NXPE4: variants seen among roughly 807,000 people sequenced by gnomAD.
NXPE4 encodes neurexophilin and PC-esterase domain family member 4.
A neutral mutation model predicts 33.3 loss-of-function variants in NXPE4; 42 were observed. That is an observed-to-expected ratio of 1.26 (90% CI 0.98 to 1.63). NXPE4 has a LOEUF of 1.63. Among genes scored for constraint, NXPE4 ranks in the 40% most tolerant of loss-of-function variants. The pLI, the probability that NXPE4 is intolerant of heterozygous loss-of-function variation, is 0.00. For synonymous variants in NXPE4, 253 were observed against 234.9 expected, an observed-to-expected ratio of 1.08 and a Z score of -0.71; for missense variants, 709 against 647.6, an observed-to-expected ratio of 1.09 and a Z score of -1.03.
upstream of NXPE4, among the ~76,000 whole-genome samples, chr11:114,596,076 C>T (rs142910408): frequency 6.6e-6 from 1 of 152,258 alleles, no homozygotes; most frequent in East Asian, 1.9e-4. Flanking sequence ...TAATCATCAA[C>T]AGAAAGTCAA....
the NXPE4 span, among the ~76,000 whole-genome samples, chr11:114,612,721 C>T: frequency 4.6e-5 from 7 of 151,886 alleles, no homozygotes; most frequent in Middle Eastern, 3.2e-3. Flanking sequence ...TGTGTTGCCT[C>T]GTGGGTAACC....
chr11:114,613,631 G>T, the NXPE4 span, among the ~76,000 whole-genome samples: 1 of 151,730 alleles, frequency 6.6e-6, no homozygotes, highest in Non-Finnish European at 1.5e-5. Context: ...GTTACACACT[G>T]GATAACAAGT....
At chr11:114,654,643 G>T in the NXPE4 span, among the ~76,000 whole-genome samples, 4 of 152,062 alleles carry the variant, frequency 2.6e-5, no homozygotes, top group Non-Finnish European at 5.9e-5. Flanking sequence ...CCCTGAAAAA[G>T]ACATCTCGTT....
intron 4 of NXPE4, among the ~76,000 whole-genome samples, chr11:114,580,690 G>T (rs1949122949): frequency 6.6e-6 from 1 of 152,086 alleles, no homozygotes. Flanking sequence ...TATCATTTTA[G>T]CTCACTTTAC....
At chr11:114,625,765 A>G in the NXPE4 span, among the ~76,000 whole-genome samples, 35 of 152,262 alleles carry the variant, frequency 2.3e-4, no homozygotes, top group African/African-American at 7.9e-4. Context: ...CTGAGGTACC[A>G]GGTTCATCTC....
chr11:114,663,678 T>TTATCTATCTATCTATCTATCTATC, the NXPE4 span, among the ~76,000 whole-genome samples: 18 of 146,058 alleles, frequency 1.2e-4, no homozygotes, highest in African/African-American at 2.3e-4. Flanking sequence ...ATCTATCTAT[T>TTATCTATCTATCTATCTATCTATC]TATCTATCTA....
intron 2 of NXPE4, among the ~76,000 whole-genome samples, chr11:114,594,084 T>C (rs973383431): frequency 6.6e-6 from 1 of 152,006 alleles, no homozygotes; most frequent in Non-Finnish European, 1.5e-5. Context: ...AAAATATGAT[T>C]AGACAGAATG....
intron 3 of NXPE4, among the ~76,000 whole-genome samples, chr11:114,581,990 T>C (rs1433842097): frequency 1.3e-5 from 2 of 152,226 alleles, no homozygotes; most frequent in Non-Finnish European, 1.5e-5. Flanking sequence ...AGAGAATTTG[T>C]TGAGTTGCAG....
chr11:114,631,635 G>T, the NXPE4 span, among the ~76,000 whole-genome samples: 2 of 151,844 alleles, frequency 1.3e-5, no homozygotes, highest in Non-Finnish European at 2.9e-5. Context: ...TAACTAAACT[G>T]CACATTGTGC....
the NXPE4 span, among the ~76,000 whole-genome samples, chr11:114,645,286 G>A: frequency 3.3e-5 from 5 of 152,068 alleles, no homozygotes; most frequent in East Asian, 1.9e-4. Flanking sequence ...GGGTGACAGA[G>A]TGAGACTCCA....
chr11:114,643,112 T>C, the NXPE4 span, among the ~76,000 whole-genome samples: 80 of 152,174 alleles, frequency 5.3e-4, no homozygotes, highest in Middle Eastern at 3.4e-3. Flanking sequence ...GGGTTGTTTG[T>C]TTTTTTCTTG....
chr11:114,639,725 A>AAT, the NXPE4 span, among the ~76,000 whole-genome samples: 1 of 125,750 alleles, frequency 8.0e-6, no homozygotes, highest in African/African-American at 3.0e-5. Context: ...ATAATATAGT[A>AAT]ATATAATATA....
At chr11:114,618,987 T>C in the NXPE4 span, among the ~76,000 whole-genome samples, 4 of 152,194 alleles carry the variant, frequency 2.6e-5, no homozygotes, top group African/African-American at 9.6e-5. Context: ...TGGTGGATAA[T>C]AGGTATTGCT....
At chr11:114,622,600 C>T in the NXPE4 span, among the ~76,000 whole-genome samples, 1 of 151,548 alleles carries the variant, frequency 6.6e-6, no homozygotes, top group African/African-American at 2.4e-5. Context: ...TAAGCATTAC[C>T]TCGTGGGTAA....
At chr11:114,619,314 G>A in the NXPE4 span, among the ~76,000 whole-genome samples, 12 of 150,324 alleles carry the variant, frequency 8.0e-5, no homozygotes, top group Non-Finnish European at 1.0e-4. Context: ...ACTGTTCCCC[G>A]CTGGATAATA....
chr11:114,598,834 G>A (rs1054061765), upstream of NXPE4, among the ~76,000 whole-genome samples: 13 of 151,440 alleles, frequency 8.6e-5, no homozygotes, highest in Non-Finnish European at 8.8e-5. Context: ...ATGCCTTTGA[G>A]GCCTTCTCCC....
chr11:114,651,348 G>A, the NXPE4 span, among the ~76,000 whole-genome samples: 4 of 151,698 alleles, frequency 2.6e-5, no homozygotes, highest in Non-Finnish European at 2.9e-5. Flanking sequence ...TGGCACGTCC[G>A]GAGTTGTTTG....
chr11:114,614,983 A>C, the NXPE4 span, among the ~76,000 whole-genome samples: 9 of 150,674 alleles, frequency 6.0e-5, no homozygotes, highest in African/African-American at 2.2e-4. Context: ...CTCGTGAGTA[A>C]CCACTGTTAC....
the NXPE4 span, among the ~76,000 whole-genome samples, chr11:114,636,102 T>TTG: frequency 6.8e-3 from 1 of 146 alleles, no homozygotes; most frequent in Non-Finnish European, 0.012. Flanking sequence ...TCCTGGACTC[T>TTG]TTCGTTGGTA....
Sources: gnomAD v4.1 joint callset for allele counts (sites outside exome capture counted in the v4.1 genomes callset) on GRCh38, gnomAD v4.1.1 for gene constraint, MANE v1.5 for transcripts, NCBI Gene and HGNC (gene_info 2026-07-23, HGNC 2026-07-21) for gene names.